SPRR2B: variants seen among roughly 807,000 people sequenced by gnomAD.
The protein encoded by SPRR2B is small proline rich protein 2B.
In SPRR2B, 1 loss-of-function variant was observed where a neutral mutation model predicts 1.0. The ratio of observed to expected loss-of-function variants is 1.01; its 90% CI spans 0.36 to 4.77. The LOEUF (loss-of-function observed/expected upper bound fraction) is 4.77, where lower values mean the gene tolerates loss of function less well. SPRR2B is among the 30% of genes most tolerant of loss of function. The probability of loss-of-function intolerance (pLI) is 0.16; values close to 1 mark genes in which losing one functional copy is unlikely to be tolerated. For synonymous variants in SPRR2B, 27 were observed against 33.4 expected (o/e 0.81, Z 0.66); for missense variants, 53 against 88.7 (o/e 0.60, Z 1.62).
chr1:153,071,332 T>C (rs1327420822), intron 1 of SPRR2B, among the ~76,000 whole-genome samples: 1 of 152,176 alleles, frequency 6.6e-6, no homozygotes, highest in African/African-American at 2.4e-5. Flanking sequence ...AAAAATACTT[T>C]ATCCTTTTCT....
chr1:153,071,257 G>A (rs191396253), intron 1 of SPRR2B, among the ~76,000 whole-genome samples: 1,644 of 149,322 alleles, frequency 0.011, 19 homozygotes, highest in Non-Finnish European at 0.016. Flanking sequence ...AGGAAGAAGT[G>A]CTGGCTCTCA....
upstream of SPRR2B, among the ~76,000 whole-genome samples, chr1:153,072,248 C>G (rs895773699): frequency 6.6e-6 from 1 of 152,176 alleles, no homozygotes; most frequent in Non-Finnish European, 1.5e-5. Context: ...AGTTGTCTTA[C>G]ACACCTCTTA....
At chr1:153,081,520 G>A in the SPRR2B span, among the ~76,000 whole-genome samples, 3 of 152,220 alleles carry the variant, frequency 2.0e-5, no homozygotes, top group Admixed American at 6.5e-5. Context: ...TTCACTGCCT[G>A]TAGAGTTTCT....
the SPRR2B span, among the ~76,000 whole-genome samples, chr1:153,080,613 A>T: frequency 6.6e-6 from 1 of 152,214 alleles, no homozygotes; most frequent in African/African-American, 2.4e-5. Context: ...TGTGAAAAAA[A>T]TTTGTACAGT....
the SPRR2B span, among the ~76,000 whole-genome samples, chr1:153,082,765 A>C: frequency 3.3e-5 from 5 of 152,140 alleles, no homozygotes; most frequent in South Asian, 6.2e-4. Flanking sequence ...TGAAAAAAAA[A>C]AGATCTCAGA....
chr1:153,079,201 G>C, the SPRR2B span, among the ~76,000 whole-genome samples: 6 of 145,110 alleles, frequency 4.1e-5, no homozygotes, highest in African/African-American at 1.6e-4. Flanking sequence ...CCCACTTTTT[G>C]ATGGGGTTGT....
chr1:153,075,534 A>G (rs913676127), upstream of SPRR2B, among the ~76,000 whole-genome samples: 3 of 152,188 alleles, frequency 2.0e-5, no homozygotes, highest in Non-Finnish European at 4.4e-5. Context: ...AACAGGTGAT[A>G]AAGATAATAG....
the SPRR2B span, among the ~76,000 whole-genome samples, chr1:153,087,378 A>G: frequency 6.6e-6 from 1 of 152,192 alleles, no homozygotes; most frequent in South Asian, 2.1e-4. Flanking sequence ...CAAAGCAAGA[A>G]GATTATAAGA....
At chr1:153,080,365 C>A in the SPRR2B span, among the ~76,000 whole-genome samples, 23 of 152,258 alleles carry the variant, frequency 1.5e-4, no homozygotes, top group Middle Eastern at 3.4e-3. Flanking sequence ...GCAGGATACA[C>A]CTTACAGCTT....
chr1:153,073,695 T>TCACACACACACACACACA (rs4041380), upstream of SPRR2B, among the ~76,000 whole-genome samples: 20 of 144,592 alleles, frequency 1.4e-4, no homozygotes, highest in African/African-American at 5.2e-4. Flanking sequence ...GAGGCATACT[T>TCACACACACACACACACA]CACACACACA....
At chr1:153,071,904 T>C (rs1178408208), upstream of SPRR2B, among the ~76,000 whole-genome samples, 2 of 152,164 alleles carry the variant, frequency 1.3e-5, no homozygotes, top group South Asian at 2.1e-4. Context: ...CCCTAAATCA[T>C]AAAACTTCCT....
the SPRR2B span, among the ~76,000 whole-genome samples, chr1:153,083,603 G>A: frequency 1.3e-5 from 2 of 152,164 alleles, no homozygotes; most frequent in Non-Finnish European, 2.9e-5. Flanking sequence ...AGGCTGAAAA[G>A]AGAGAAAGCT....
At chr1:153,083,050 T>A in the SPRR2B span, among the ~76,000 whole-genome samples, 8 of 152,228 alleles carry the variant, frequency 5.3e-5, no homozygotes, top group Admixed American at 2.0e-4. Context: ...AATAAAAAAA[T>A]TTGAAGAGAA....
chr1:153,084,688 C>T, the SPRR2B span, among the ~76,000 whole-genome samples: 1 of 152,100 alleles, frequency 6.6e-6, no homozygotes, highest in African/African-American at 2.4e-5. Context: ...TAGTATGCAC[C>T]CTGCCATGCT....
the SPRR2B span, among the ~76,000 whole-genome samples, chr1:153,084,692 C>A: frequency 6.6e-6 from 1 of 152,152 alleles, no homozygotes; most frequent in Non-Finnish European, 1.5e-5. Context: ...ATGCACCCTG[C>A]CATGCTGCCA....
chr1:153,078,410 C>T, the SPRR2B span, among the ~76,000 whole-genome samples: 97 of 152,154 alleles, frequency 6.4e-4, no homozygotes, highest in African/African-American at 1.6e-3. Context: ...ATGTGCACAA[C>T]GTGCAGGTTA....
chr1:153,077,626 T>A, the SPRR2B span, among the ~76,000 whole-genome samples: 1 of 150,986 alleles, frequency 6.6e-6, no homozygotes, highest in South Asian at 2.1e-4. Flanking sequence ...TTTCTTTTCT[T>A]TTTTTTTTTC....
At chr1:153,084,842 C>T in the SPRR2B span, among the ~76,000 whole-genome samples, 10 of 152,220 alleles carry the variant, frequency 6.6e-5, no homozygotes, top group South Asian at 4.2e-4. Flanking sequence ...ATTCCTAACC[C>T]GGGGGAGCCA....
At chr1:153,080,788 A>T in the SPRR2B span, among the ~76,000 whole-genome samples, 3 of 152,344 alleles carry the variant, frequency 2.0e-5, no homozygotes, top group Admixed American at 2.0e-4. Context: ...CACATTCAAA[A>T]ATTGATCTAG....
Sources: gnomAD v4.1 joint callset for allele counts (sites outside exome capture counted in the v4.1 genomes callset) on GRCh38, gnomAD v4.1.1 for gene constraint, MANE v1.5 for transcripts, NCBI Gene and HGNC (gene_info 2026-07-23, HGNC 2026-07-21) for gene names.